Variants in DPP10 observed in about 807,000 individuals in gnomAD.
The protein encoded by DPP10 is dipeptidyl peptidase like 10.
Under a neutral mutation model 120.9 loss-of-function variants are expected in DPP10, and 33 were observed. The ratio of observed to expected loss-of-function variants is 0.27; its 90% CI spans 0.21 to 0.37. The LOEUF is 0.37. Ranked by LOEUF, DPP10 falls within the 10% of genes least tolerant of loss-of-function variation. The probability of loss-of-function intolerance (pLI) is 1.00; values close to 1 mark genes in which losing one functional copy is unlikely to be tolerated. For synonymous variants in DPP10, 337 were observed against 326.1 expected (o/e 1.03, Z -0.36); for missense variants, 816 against 942.8 (o/e 0.87, Z 1.76).
chr2:114,676,428 G>A (rs139560480), intron 1 of DPP10, among the ~76,000 whole-genome samples: 2 of 152,238 alleles, frequency 1.3e-5, no homozygotes, highest in African/African-American at 4.8e-5. Context: ...TTTGTGGTGA[G>A]CATTATTGGT....
At chr2:114,554,146 C>A (rs1257827889) in intron 1 of DPP10, among the ~76,000 whole-genome samples, 1 of 152,198 alleles carries the variant, frequency 6.6e-6, no homozygotes, top group Non-Finnish European at 1.5e-5. Context: ...ATCTATATCT[C>A]TATTTCTTTT....
chr2:114,911,066 CTT>C (rs1364234463), intron 1 of DPP10, among the ~76,000 whole-genome samples: 3 of 152,180 alleles, frequency 2.0e-5, no homozygotes, highest in African/African-American at 7.2e-5. Context: ...AGTGCAGTCT[CTT>C]TATTCCTTCA....
At chr2:115,667,088 C>G (rs1234400149) in intron 5 of DPP10, among the ~76,000 whole-genome samples, 38 of 152,210 alleles carry the variant, frequency 2.5e-4, no homozygotes, top group Non-Finnish European at 4.4e-5. Flanking sequence ...GTTATATTTG[C>G]TTTTCTCTAA....
intron 3 of DPP10, among the ~76,000 whole-genome samples, chr2:115,350,267 A>G (rs2063940646): frequency 6.6e-6 from 1 of 152,142 alleles, no homozygotes; most frequent in African/African-American, 2.4e-5. Flanking sequence ...TGTATTCACA[A>G]TTGCATTACT....
intron 1 of DPP10, among the ~76,000 whole-genome samples, chr2:114,884,599 G>A (rs549237939): frequency 6.6e-6 from 1 of 152,190 alleles, no homozygotes; most frequent in South Asian, 2.1e-4. Flanking sequence ...AACAGGTGGT[G>A]TTTGGTTATA....
At chr2:115,777,097 T>G (rs148482999) in intron 13 of DPP10, 111 bp from the exon 14 acceptor site, 31 of 894,186 alleles carry the variant, frequency 3.5e-5, no homozygotes, top group Non-Finnish European at 5.4e-5. Context: ...AAACTGAGTG[T>G]TAACTGAGAA....
chr2:114,910,258 T>C (rs1213592283), intron 1 of DPP10, among the ~76,000 whole-genome samples: 1 of 151,890 alleles, frequency 6.6e-6, no homozygotes, highest in South Asian at 2.1e-4. Flanking sequence ...AATCCAAAGG[T>C]TATTTTATTT....
intron 1 of DPP10, among the ~76,000 whole-genome samples, chr2:114,681,385 T>C (rs1158524915): frequency 1.3e-5 from 2 of 151,970 alleles, no homozygotes; most frequent in Non-Finnish European, 2.9e-5. Context: ...CTTGTGAACA[T>C]GATAAAGTTT....
intron 1 of DPP10, among the ~76,000 whole-genome samples, chr2:114,640,236 G>T (rs78258056): frequency 6.6e-6 from 1 of 152,050 alleles, no homozygotes; most frequent in East Asian, 1.9e-4. Context: ...TGCTGGGCTT[G>T]CTTGCTGAAG....
intron 1 of DPP10, among the ~76,000 whole-genome samples, chr2:114,734,196 AT>A (rs1319262825): frequency 6.6e-6 from 1 of 152,150 alleles, no homozygotes; most frequent in African/African-American, 2.4e-5. Context: ...TCTATAGAGA[AT>A]TCCCTTTTGT....
chr2:114,871,886 C>T (rs540386593), intron 1 of DPP10, among the ~76,000 whole-genome samples: 11 of 152,242 alleles, frequency 7.2e-5, no homozygotes, highest in Middle Eastern at 3.4e-3. Context: ...AGATCAGCAG[C>T]GGCATTAGAT....
chr2:114,930,485 A>C (rs1329773071), intron 1 of DPP10, among the ~76,000 whole-genome samples: 1 of 152,204 alleles, frequency 6.6e-6, no homozygotes, highest in African/African-American at 2.4e-5. Flanking sequence ...GCAATGCAGG[A>C]AAGTTCTTTG....
At chr2:114,515,054 T>G (rs1240344492) in intron 1 of DPP10, among the ~76,000 whole-genome samples, 1 of 152,174 alleles carries the variant, frequency 6.6e-6, no homozygotes, top group Non-Finnish European at 1.5e-5. Flanking sequence ...CCTCTTCAAA[T>G]AACAGATCTT....
At chr2:115,044,151 G>A (rs1704881022) in intron 1 of DPP10, among the ~76,000 whole-genome samples, 1 of 152,042 alleles carries the variant, frequency 6.6e-6, no homozygotes. Context: ...ACAAATACCT[G>A]AGACTGAGTA....
chr2:115,489,407 G>C (rs1450505923), intron 3 of DPP10, among the ~76,000 whole-genome samples: 1 of 151,874 alleles, frequency 6.6e-6, no homozygotes, highest in African/African-American at 2.4e-5. Flanking sequence ...TGAATTCCTG[G>C]CTGTGATGGG....
intron 19 of DPP10, among the ~76,000 whole-genome samples, chr2:115,811,501 T>C (rs1460677138): frequency 1.3e-5 from 2 of 152,242 alleles, no homozygotes; most frequent in South Asian, 2.1e-4. Flanking sequence ...AATAATTTAC[T>C]TGCCTGCCAT....
intron 4 of DPP10, among the ~76,000 whole-genome samples, chr2:115,524,638 T>A (rs773113432): frequency 6.6e-6 from 1 of 152,018 alleles, no homozygotes; most frequent in Non-Finnish European, 1.5e-5. Flanking sequence ...GATCTTAGAG[T>A]GGGGCTGAAA....
intron 1 of DPP10, among the ~76,000 whole-genome samples, chr2:114,588,631 A>G (rs1410064080): frequency 6.6e-6 from 1 of 152,198 alleles, no homozygotes; most frequent in Non-Finnish European, 1.5e-5. Flanking sequence ...AATATGTACA[A>G]TGTCATTTAA....
rs112571864 is a variant in DPP10, at chr2:114,750,340, T to A, written c.60+307502T>A. 3.7e-3 allele frequency among the ~76,000 whole-genome samples: 547 copies of A among 148,326 alleles called. 3 individuals are homozygous for A. The highest frequency in any genetic ancestry group is 0.012 in the African/African-American group (494 of 40,876). On this transcript the variant is annotated intron_variant, in intron 1 of 25. Coordinates refer to ENST00000410059, the MANE Select transcript of DPP10 (RefSeq NM_020868.6). ...GGGGAGGGAACAGACATCAATATAT[T>A]TTTTTTTTTTTGAGATGGAGTCTTG...
Sources: allele counts gnomAD v4.1 joint callset (sites outside exome capture counted in the v4.1 genomes callset), GRCh38; gene constraint gnomAD v4.1.1; transcripts MANE v1.5; gene names NCBI Gene and HGNC (gene_info 2026-07-23, HGNC 2026-07-21).